Variants in THSD7A observed in about 807,000 individuals in gnomAD.
The protein encoded by THSD7A is thrombospondin type-1 domain-containing protein 7A.
THSD7A carries 96 observed loss-of-function variants against 231.3 expected under a neutral mutation model. The ratio of observed to expected loss-of-function variants is 0.41; its 90% CI spans 0.35 to 0.49. The LOEUF (loss-of-function observed/expected upper bound fraction) is 0.49, where lower values mean the gene tolerates loss of function less well. THSD7A is among the 20% of genes least tolerant of loss of function. The probability of loss-of-function intolerance (pLI) is 0.05; values close to 1 mark genes in which losing one functional copy is unlikely to be tolerated. For synonymous variants in THSD7A, 940 were observed against 743.3 expected, an observed-to-expected ratio of 1.26 and a Z score of -4.30; for missense variants, 2,290 against 2,070.2, an observed-to-expected ratio of 1.11 and a Z score of -2.06.
At chr7:11,544,435 G>C (rs1339530536) in intron 4 of THSD7A, among the ~76,000 whole-genome samples, 2 of 152,040 alleles carry the variant, frequency 1.3e-5, no homozygotes, top group African/African-American at 4.8e-5. Context: ...GCCCACACTT[G>C]CAGAAAAAAT....
At chr7:11,783,472 C>T (rs891576039) in intron 1 of THSD7A, among the ~76,000 whole-genome samples, 2 of 152,102 alleles carry the variant, frequency 1.3e-5, no homozygotes, top group Non-Finnish European at 2.9e-5. Flanking sequence ...TAAATCAGAA[C>T]CATATGTATA....
chr7:11,753,996 C>T (rs372956377), intron 1 of THSD7A, among the ~76,000 whole-genome samples: 6 of 151,772 alleles, frequency 4.0e-5, no homozygotes, highest in Non-Finnish European at 5.9e-5. Flanking sequence ...ATTTCCAGAA[C>T]GGCCACTTTA....
At position 11,579,783 on chromosome 7, in the gene THSD7A, T is replaced by C. The variant is rs57625616; in HGVS notation, c.1453+10677A>G. Among the ~76,000 whole-genome samples the C allele has an allele frequency of 2.1e-3, 321 of 152,326 alleles. 2 individuals are homozygous for C. The highest frequency in any genetic ancestry group is 6.6e-3 in the African/African-American group (276 of 41,576). On this transcript the variant is annotated intron_variant, in intron 4 of 27. Transcript: ENST00000423059. ...GGTCCAGTTCACTTTGGAAAATATA[T>C]AGTGACTTTTTCTAGTCATTCCATT...
rs1282067830 is a variant in THSD7A, at chr7:11,372,512, T to C, written c.*3282A>G. 1 of 152,128 alleles carries C rather than the reference T, an allele frequency of 6.6e-6. No homozygotes were observed. Among genetic ancestry groups the C allele is most frequent in the Non-Finnish European group, 1.5e-5 (1 of 67,996 alleles). The allele number at this position is 152,128 out of a possible 1,614,324, so 9.4% of individuals were successfully genotyped here. A position where few individuals can be genotyped will look rare whatever the true frequency, so the allele number is the denominator to read the frequency against. ...CTCAAAAAAGGCTTTGAAATTAAGATTACTGTCCACATATTGGATTAGTTA... is the reference window on the plus strand; with the variant it reads ...CTCAAAAAAGGCTTTGAAATTAAGACTACTGTCCACATATTGGATTAGTTA... On this transcript the variant is annotated 3_prime_UTR_variant, in exon 28 of 28. Transcript: ENST00000423059.
chr7:11,424,832 G>A lies in THSD7A; in HGVS notation c.3250-3C>T, dbSNP rs758324253. On this transcript the variant is annotated splice_region_variant and splice_polypyrimidine_tract_variant and intron_variant, in intron 15 of 27. Coordinates refer to ENST00000423059, the MANE Select transcript of THSD7A (RefSeq NM_015204.3). ...TGGCATGGGACAACCTCATACACCT[G>A]AAACACACATGGTTCTCAGCAATCT... is the stretch of plus-strand genomic sequence containing the variant. 6.2e-7 allele frequency: 1 copy of A among 1,613,900 alleles called. No homozygotes were observed. Among genetic ancestry groups the A allele is most frequent in the Non-Finnish European group, 8.5e-7 (1 of 1,179,856 alleles).
chr7:11,647,518 T>C (rs1248896128), intron 1 of THSD7A, among the ~76,000 whole-genome samples: 1 of 152,110 alleles, frequency 6.6e-6, no homozygotes, highest in Non-Finnish European at 1.5e-5. Context: ...GAGCTGCTTT[T>C]GGGTAATGAG....
At chr7:11,540,807 A>C (rs1789113878) in intron 6 of THSD7A, among the ~76,000 whole-genome samples, 2 of 152,204 alleles carry the variant, frequency 1.3e-5, no homozygotes, top group African/African-American at 4.8e-5. Context: ...GTCCAAGGTA[A>C]TTCCTGAGGT....
At chr7:11,439,397 G>T (rs532564667) in intron 13 of THSD7A, among the ~76,000 whole-genome samples, 17 of 151,936 alleles carry the variant, frequency 1.1e-4, no homozygotes, top group Non-Finnish European at 2.5e-4. Flanking sequence ...TTCACTTTGT[G>T]TCTCCGTGTC....
At chr7:11,511,565 G>A (rs1307346002) in intron 6 of THSD7A, among the ~76,000 whole-genome samples, 1 of 152,126 alleles carries the variant, frequency 6.6e-6, no homozygotes, top group African/African-American at 2.4e-5. Context: ...AAAACAGCAT[G>A]GTACTGGTAC....
intron 2 of THSD7A, among the ~76,000 whole-genome samples, chr7:11,611,124 A>G (rs1298835511): frequency 6.6e-6 from 1 of 152,088 alleles, no homozygotes. Flanking sequence ...ATATTTGTCA[A>G]TACTATGATA....
intron 6 of THSD7A, among the ~76,000 whole-genome samples, chr7:11,482,388 A>G (rs1246748020): frequency 1.3e-5 from 2 of 152,196 alleles, no homozygotes; most frequent in African/African-American, 4.8e-5. Context: ...TATCCATAGC[A>G]TCTATCATAT....
chr7:11,379,809 T>C, intron 24 of THSD7A, 97 bp from the exon 25 acceptor site: 1 of 1,327,628 alleles, frequency 7.5e-7, no homozygotes, highest in East Asian at 2.5e-5. Flanking sequence ...TGAACCACCT[T>C]GGGAATCCCA....
chr7:11,490,368 T>C (rs1786838957), intron 6 of THSD7A, among the ~76,000 whole-genome samples: 1 of 152,140 alleles, frequency 6.6e-6, no homozygotes, highest in Admixed American at 6.6e-5. Flanking sequence ...GCCCACTTAG[T>C]AAGCAGGGCA....
intron 1 of THSD7A, among the ~76,000 whole-genome samples, chr7:11,644,974 T>C (rs982484018): frequency 3.3e-5 from 5 of 151,928 alleles, no homozygotes; most frequent in Admixed American, 3.3e-4. Flanking sequence ...CTTCCTTAGG[T>C]TACATTCCAC....
At chr7:11,383,412 G>A (rs190969922) in intron 23 of THSD7A, among the ~76,000 whole-genome samples, 35 of 152,022 alleles carry the variant, frequency 2.3e-4, no homozygotes, top group African/African-American at 7.5e-4. Flanking sequence ...TGCTCTGAAG[G>A]TCAACTGTGT....
At chr7:11,645,660 G>C (rs918935120) in intron 1 of THSD7A, among the ~76,000 whole-genome samples, 23 of 151,740 alleles carry the variant, frequency 1.5e-4, no homozygotes, top group African/African-American at 5.5e-4. Context: ...AATAAGAGGT[G>C]TATTAAATAC....
At chr7:11,752,625 G>A (rs1782539815) in intron 1 of THSD7A, among the ~76,000 whole-genome samples, 1 of 152,040 alleles carries the variant, frequency 6.6e-6, no homozygotes, top group South Asian at 2.1e-4. Flanking sequence ...ACGTTTAGAA[G>A]TTTCTAAAGA....
chr7:11,549,899 C>T (rs890783693), intron 4 of THSD7A, among the ~76,000 whole-genome samples: 2 of 152,072 alleles, frequency 1.3e-5, no homozygotes, highest in Non-Finnish European at 2.9e-5. Flanking sequence ...CCTGCACATC[C>T]TACACATGTA....
intron 13 of THSD7A, 62 bp from the exon 14 acceptor site, chr7:11,429,187 C>T (rs1784408655): frequency 6.8e-7 from 1 of 1,475,712 alleles, no homozygotes; most frequent in African/African-American, 1.4e-5. Context: ...CATTACCACC[C>T]ACTATTCTAG....
Sources: gnomAD v4.1 joint callset for allele counts (sites outside exome capture counted in the v4.1 genomes callset) on GRCh38, gnomAD v4.1.1 for gene constraint, MANE v1.5 for transcripts, NCBI Gene and HGNC (gene_info 2026-07-23, HGNC 2026-07-21) for gene names.